FGF14: variants seen among roughly 807,000 people sequenced by gnomAD.
FGF14 encodes the protein fibroblast growth factor homologous factor 4.
Under a neutral mutation model 25.5 loss-of-function variants are expected in FGF14, and 5 were observed. The ratio of observed to expected loss-of-function variants is 0.20; its 90% CI spans 0.10 to 0.41. The LOEUF is 0.41. Among genes scored for constraint, FGF14 ranks in the 10% least tolerant of loss-of-function variants. FGF14 has a pLI of 1.00. For missense variants in FGF14, 222 were observed against 320.1 expected (o/e 0.69, Z 2.34); for synonymous variants, 138 against 118.3 (o/e 1.17, Z -1.08).
chr13:101,995,525 CATGT>C (rs1222280580), intron 1 of FGF14, among the ~76,000 whole-genome samples: 1 of 152,042 alleles, frequency 6.6e-6, no homozygotes, highest in Non-Finnish European at 1.5e-5. Flanking sequence ...GTTTAACAAG[CATGT>C]AAGTACATTA....
At chr13:101,798,494 T>C (rs2040685993) in intron 3 of FGF14, among the ~76,000 whole-genome samples, 3 of 152,100 alleles carry the variant, frequency 2.0e-5, no homozygotes, top group Non-Finnish European at 4.4e-5. Flanking sequence ...ACAGTTCATC[T>C]AGAAAGTAAT....
Position 101,720,990 on chromosome 13 carries a change from TGAA to T in FGF14, c.*1838_*1840del, listed in dbSNP as rs1409984664. ...TTTTAATGCTGGGCAAGGGCTGTCA[TGAA>T]GAAGATTTATGAAAGCAGTGACAAA... On this transcript the variant is annotated 3_prime_UTR_variant, in exon 5 of 5. Coordinates refer to ENST00000376143, the MANE Select transcript of FGF14 (RefSeq NM_004115.4). The T allele has an allele frequency of 2.6e-5, 4 of 152,070 alleles. No individual in the cohort carries two copies. Among genetic ancestry groups the T allele is most frequent in the African/African-American group, 7.2e-5 (3 of 41,422 alleles). The allele number at this position is 152,070 out of a possible 1,614,324, so 9.4% of individuals were successfully genotyped here. A position where few individuals can be genotyped will look rare whatever the true frequency, so the allele number is the denominator to read the frequency against.
intron 3 of FGF14, among the ~76,000 whole-genome samples, chr13:101,782,549 C>T (rs2039565007): frequency 6.6e-6 from 1 of 152,146 alleles, no homozygotes; most frequent in South Asian, 2.1e-4. Context: ...ACCCTTCACC[C>T]TCTGAAAGAC....
At chr13:101,853,514 A>G (rs1334078234) in intron 3 of FGF14, among the ~76,000 whole-genome samples, 1 of 152,086 alleles carries the variant, frequency 6.6e-6, no homozygotes, top group Non-Finnish European at 1.5e-5. Flanking sequence ...GTGCAGTGGC[A>G]TGATCATGGC....
chr13:102,215,921 A>C (rs1169496128), intron 1 of FGF14, among the ~76,000 whole-genome samples: 1 of 152,180 alleles, frequency 6.6e-6, no homozygotes, highest in Non-Finnish European at 1.5e-5. Context: ...CAAGTGGCCA[A>C]AGCAGATGGA....
intron 1 of FGF14, among the ~76,000 whole-genome samples, chr13:102,228,785 C>T (rs1157172802): frequency 6.6e-6 from 1 of 152,138 alleles, no homozygotes; most frequent in Non-Finnish European, 1.5e-5. Flanking sequence ...TAAAAGTGTG[C>T]TCTTAACAGT....
intron 1 of FGF14, among the ~76,000 whole-genome samples, chr13:102,201,023 A>C (rs2049605954): frequency 7.1e-6 from 1 of 141,514 alleles, no homozygotes; most frequent in African/African-American, 2.6e-5. Flanking sequence ...AATGGCGTGA[A>C]CCCGGGAGGC....
chr13:102,160,377 C>T (rs1290432598), intron 1 of FGF14, among the ~76,000 whole-genome samples: 1 of 152,134 alleles, frequency 6.6e-6, no homozygotes. Context: ...GTCCACCCCC[C>T]AGAAACAGCA....
At chr13:102,053,707 C>T (rs868617302) in intron 1 of FGF14, among the ~76,000 whole-genome samples, 14 of 152,018 alleles carry the variant, frequency 9.2e-5, no homozygotes, top group East Asian at 3.9e-4. Context: ...ACAAAAATTA[C>T]GTCAGTTTCC....
intron 1 of FGF14, among the ~76,000 whole-genome samples, chr13:102,173,366 T>C (rs1392339416): frequency 6.6e-6 from 1 of 152,162 alleles, no homozygotes; most frequent in African/African-American, 2.4e-5. Context: ...GGAACTCTTA[T>C]ACACTGTTAG....
At chr13:102,209,923 G>A (rs1040546851) in intron 1 of FGF14, among the ~76,000 whole-genome samples, 3 of 151,918 alleles carry the variant, frequency 2.0e-5, no homozygotes, top group African/African-American at 7.3e-5. Flanking sequence ...ATTGTTCTCA[G>A]CACTTAAAAC....
At chr13:102,121,528 T>C (rs977581685) in intron 1 of FGF14, among the ~76,000 whole-genome samples, 3 of 152,194 alleles carry the variant, frequency 2.0e-5, no homozygotes, top group African/African-American at 7.2e-5. Flanking sequence ...GAACCTTATG[T>C]CCCATGAAAA....
intron 3 of FGF14, among the ~76,000 whole-genome samples, chr13:101,824,005 GAATTT>G (rs1466053519): frequency 3.3e-5 from 5 of 151,860 alleles, no homozygotes; most frequent in African/African-American, 1.2e-4. Context: ...ATTTGATGAT[GAATTT>G]ATTTTATTTT....
At chr13:102,342,180 T>C (rs965272583) in intron 1 of FGF14, among the ~76,000 whole-genome samples, 4 of 152,198 alleles carry the variant, frequency 2.6e-5, no homozygotes, top group Non-Finnish European at 4.4e-5. Flanking sequence ...TGAGGACTTA[T>C]CGTTCCTGGG....
chr13:101,772,310 C>T (rs966198542), intron 3 of FGF14, among the ~76,000 whole-genome samples: 11 of 152,138 alleles, frequency 7.2e-5, no homozygotes, highest in South Asian at 2.1e-4. Context: ...TAAGCCACCA[C>T]GGGGTTTCAT....
chr13:101,838,536 A>C (rs2043039665), intron 3 of FGF14, among the ~76,000 whole-genome samples: 1 of 152,112 alleles, frequency 6.6e-6, no homozygotes, highest in African/African-American at 2.4e-5. Flanking sequence ...TATGCAAGGA[A>C]TTTTGGTCAC....
intron 1 of FGF14, among the ~76,000 whole-genome samples, chr13:102,399,399 C>T (rs2058651008): frequency 6.6e-6 from 1 of 152,176 alleles, no homozygotes; most frequent in Non-Finnish European, 1.5e-5. Context: ...AATCTTTTCA[C>T]AGAAAGACAC....
At chr13:102,231,354 A>G (rs1299817264) in intron 1 of FGF14, among the ~76,000 whole-genome samples, 1 of 152,170 alleles carries the variant, frequency 6.6e-6, no homozygotes, top group African/African-American at 2.4e-5. Context: ...TTGGTGTCCT[A>G]TGAATCTGGA....
At chr13:102,321,352 G>A (rs912379883) in intron 1 of FGF14, among the ~76,000 whole-genome samples, 1 of 151,978 alleles carries the variant, frequency 6.6e-6, no homozygotes, top group Non-Finnish European at 1.5e-5. Flanking sequence ...CTCCATATAT[G>A]GAGTTACTAT....
Sources: gnomAD v4.1 joint callset for allele counts (sites outside exome capture counted in the v4.1 genomes callset) on GRCh38, gnomAD v4.1.1 for gene constraint, MANE v1.5 for transcripts, NCBI Gene and HGNC (gene_info 2026-07-23, HGNC 2026-07-21) for gene names.